Variants in ACOT7 observed in about 807,000 individuals in gnomAD.
ACOT7 encodes the protein cytosolic acyl coenzyme A thioester hydrolase.
A neutral mutation model predicts 40.2 loss-of-function variants in ACOT7; 12 were observed. The observed-to-expected ratio is 0.30, with a 90% CI of 0.19 to 0.48. The LOEUF (loss-of-function observed/expected upper bound fraction) is 0.48. ACOT7 is among the 20% of genes least tolerant of loss of function. The pLI, the probability that ACOT7 is intolerant of heterozygous loss-of-function variation, is 0.99. For synonymous variants in ACOT7, 228 were observed against 219.5 expected, an observed-to-expected ratio of 1.04 and a Z score of -0.34; for missense variants, 395 against 530.8, an observed-to-expected ratio of 0.74 and a Z score of 2.51.
At chr1:6,279,638 G>C (rs1639296806) in intron 8 of ACOT7, among the ~76,000 whole-genome samples, 2 of 152,184 alleles carry the variant, frequency 1.3e-5, no homozygotes, top group Admixed American at 1.3e-4. Context: ...CATCCATCAA[G>C]TCCAGGTTCA....
At chr1:6,393,151 G>A in intron 1 of ACOT7, 106 bp downstream of exon 1, 3 of 1,151,356 alleles carry the variant, frequency 2.6e-6, no homozygotes, top group Non-Finnish European at 3.2e-6. Flanking sequence ...GAATCGGCGG[G>A]CGGGGGCGGC....
intron 1 of ACOT7, chr1:6,360,792 C>G: frequency 6.7e-7 from 1 of 1,484,274 alleles, no homozygotes; most frequent in Non-Finnish European, 9.0e-7. Flanking sequence ...CCTAAGCAAC[C>G]CTTCCAGCTG....
chr1:6,275,269 TGGCCCCCGGCCTGGTA>T lies in ACOT7; in HGVS notation c.1014+5817_1014+5832del, dbSNP rs1361210262. ...AACCAGAAAACAAACCTGCTGAGAA[TGGCCCCCGGCCTGGTA>T]GGGCTCCCTCAACCTGAAGGAGCCC... On this transcript the variant is annotated intron_variant, in intron 8 of 8. Coordinates refer to ENST00000361521, the MANE Select transcript of ACOT7 (RefSeq NM_007274.4). This position sits in a 1 kb window ranked among gnomAD's most constrained non-coding sequence, Gnocchi z 5.6. 6.6e-6 allele frequency among the ~76,000 whole-genome samples: 1 copy of T among 152,208 alleles called. No homozygotes were observed. Among genetic ancestry groups the T allele is most frequent in the Non-Finnish European group, 1.5e-5 (1 of 68,042 alleles).
rs1264358144 is a variant in ACOT7 at position 6,310,193 on chromosome 1, C to T, written c.712+8299G>A. On this transcript the variant is annotated intron_variant, in intron 6 of 8. Coordinates refer to ENST00000361521, the MANE Select transcript of ACOT7 (RefSeq NM_007274.4). ...AAATCTGTCAGTTGCCACTTGGAGG[C>T]GGGAGCTGAGGCCGTGGGGTCAGGT... Among the ~76,000 whole-genome samples, 7 of 152,274 alleles carry T rather than the reference C, an allele frequency of 4.6e-5. No homozygotes were observed. In the East Asian group the frequency reaches 5.8e-4, roughly 13 times the overall value.
At chr1:6,339,087 T>C (rs1362001247) in intron 3 of ACOT7, among the ~76,000 whole-genome samples, 5 of 151,696 alleles carry the variant, frequency 3.3e-5, no homozygotes, top group African/African-American at 4.8e-5. Flanking sequence ...TGCAGAGGGG[T>C]GGATGGTGCG....
intron 8 of ACOT7, among the ~76,000 whole-genome samples, chr1:6,270,729 CAT>C (rs773468474): frequency 1.3e-4 from 20 of 152,288 alleles, no homozygotes; most frequent in Admixed American, 7.8e-4. Flanking sequence ...TGTGTGTGCA[CAT>C]GTGTCTGCGG....
At chr1:6,374,618 G>C (rs1425228409) in intron 1 of ACOT7, among the ~76,000 whole-genome samples, 1 of 152,208 alleles carries the variant, frequency 6.6e-6, no homozygotes, top group Non-Finnish European at 1.5e-5. Context: ...CCAAGGAGGT[G>C]AGGTCTGCAC....
intron 6 of ACOT7, among the ~76,000 whole-genome samples, chr1:6,307,898 C>G (rs1261990055): frequency 1.3e-5 from 2 of 149,088 alleles, no homozygotes; most frequent in Admixed American, 1.3e-4. Flanking sequence ...ACAGAGGGAA[C>G]TACAACTGGG....
chr1:6,303,214 C>A (rs1255259118), intron 6 of ACOT7, among the ~76,000 whole-genome samples: 1 of 152,156 alleles, frequency 6.6e-6, no homozygotes, highest in East Asian at 1.9e-4. Context: ...AACTTTGGCA[C>A]ATTACAGTCC....
At chr1:6,318,439 G>C in intron 6 of ACOT7, 53 bp downstream of exon 6, 4 of 1,570,718 alleles carry the variant, frequency 2.5e-6, no homozygotes, top group South Asian at 1.1e-5. Flanking sequence ...TGCCAGAGAA[G>C]CAACAATGAG....
chr1:6,380,885 T>C (rs985798523), intron 1 of ACOT7, among the ~76,000 whole-genome samples: 1 of 151,836 alleles, frequency 6.6e-6, no homozygotes, highest in Admixed American at 6.6e-5. Context: ...AAATTGTATG[T>C]CATAAGAACT....
At position 6,300,264 on chromosome 1, in the gene ACOT7, A is replaced by G. The variant is rs78547761; in HGVS notation, c.713-5284T>C. Among the ~76,000 whole-genome samples, 173 of 152,264 alleles carry G rather than the reference A, an allele frequency of 1.1e-3. 4 individuals are homozygous for G. In the East Asian group the frequency reaches 0.027, roughly 24 times the overall value. ...CTAGCATCAGGAGCCAGGACAGCAC[A>G]TGGACACAGGGTCCTGATGCTGCTG... On this transcript the variant is annotated intron_variant, in intron 6 of 8. Coordinates refer to ENST00000361521, the MANE Select transcript of ACOT7 (RefSeq NM_007274.4).
chr1:6,264,870 C>T (rs941849337), intron 8 of ACOT7, among the ~76,000 whole-genome samples, 175 bp from the exon 9 acceptor site: 1 of 152,160 alleles, frequency 6.6e-6, no homozygotes, highest in African/African-American at 2.4e-5. Flanking sequence ...GTAGCCCAGG[C>T]ATGGGGCTCA....
rs1363491507 is a variant in ACOT7, at chr1:6,301,409, C to T, written c.713-6429G>A. Reference sequence around the variant, plus strand: ...ATCCAAAGCACGTGACAGTCAACCCCGAGGGGAAGATGTGAGCGGCTATTG... The same window carrying T: ...ATCCAAAGCACGTGACAGTCAACCCTGAGGGGAAGATGTGAGCGGCTATTG... On this transcript the variant is annotated intron_variant, in intron 6 of 8. Coordinates refer to ENST00000361521, the MANE Select transcript of ACOT7 (RefSeq NM_007274.4). The surrounding 1 kb of genome is among the most constrained non-coding windows in gnomAD (Gnocchi z 4.1). 6.6e-6 allele frequency among the ~76,000 whole-genome samples: 1 copy of T among 152,138 alleles called. No homozygotes were observed. The highest frequency in any genetic ancestry group is 1.5e-5 in the Non-Finnish European group (1 of 68,020).
chr1:6,369,213 T>C (rs1223796396), intron 1 of ACOT7, among the ~76,000 whole-genome samples: 6 of 151,946 alleles, frequency 3.9e-5, no homozygotes, highest in Non-Finnish European at 7.4e-5. Context: ...ACACCTGACC[T>C]CAGGTGATCC....
At chr1:6,366,804 C>T (rs1642021817) in intron 1 of ACOT7, among the ~76,000 whole-genome samples, 1 of 151,946 alleles carries the variant, frequency 6.6e-6, no homozygotes, top group African/African-American at 2.4e-5. Flanking sequence ...TACAGGTGTG[C>T]ACCACCACAC....
chr1:6,391,690 G>A (rs1196842917), intron 1 of ACOT7, among the ~76,000 whole-genome samples: 1 of 152,158 alleles, frequency 6.6e-6, no homozygotes, highest in African/African-American at 2.4e-5. Flanking sequence ...GAAGACTTGG[G>A]CAGGGGCTGT....
At chr1:6,381,444 T>C (rs1017683358) in intron 1 of ACOT7, among the ~76,000 whole-genome samples, 2 of 151,610 alleles carry the variant, frequency 1.3e-5, no homozygotes, top group Admixed American at 6.6e-5. Flanking sequence ...TCAACATCAC[T>C]AAACATTAGG....
In ACOT7 at chr1:6,353,077, C is replaced by T. The variant is rs189683810; in HGVS notation, c.144-3211G>A. On this transcript the variant is annotated intron_variant, in intron 1 of 8. Coordinates refer to ENST00000361521, the MANE Select transcript of ACOT7 (RefSeq NM_007274.4). ...TATTTTTACTAGAGACAGGGTTTTG[C>T]CATGTTGCCCAGGCTGTCTCAAATT... 3.3e-5 allele frequency among the ~76,000 whole-genome samples: 5 copies of T among 151,698 alleles called. No homozygotes were observed. The East Asian group carries it at 9.9e-4, about 30-fold the overall frequency.
Sources: allele counts gnomAD v4.1 joint callset (sites outside exome capture counted in the v4.1 genomes callset), GRCh38; gene constraint gnomAD v4.1.1; non-coding constraint Gnocchi (gnomAD v3.1); transcripts MANE v1.5; gene names NCBI Gene and HGNC (gene_info 2026-07-23, HGNC 2026-07-21).